GLS: variants seen among roughly 807,000 people sequenced by gnomAD.
The protein encoded by GLS is glutaminase.
GLS carries 36 observed loss-of-function variants against 86.7 expected under a neutral mutation model. The ratio of observed to expected loss-of-function variants is 0.42; its 90% CI spans 0.32 to 0.55. The LOEUF (loss-of-function observed/expected upper bound fraction) is 0.55, where lower values mean the gene tolerates loss of function less well. Among genes scored for constraint, GLS ranks in the 20% least tolerant of loss-of-function variants. The pLI is 0.17. For missense variants in GLS, 528 were observed against 833.4 expected, an observed-to-expected ratio of 0.63 and a Z score of 4.51; for synonymous variants, 317 against 305.9, an observed-to-expected ratio of 1.04 and a Z score of -0.38.
rs1019498780 is a variant in GLS, at chr2:190,897,276, C to T, written c.605+1551C>T. The stretch of plus-strand genomic sequence containing the variant: ...CTGACCTCAGGTAATCCATCCGCCT[C>T]GGCCTCCTAAAGTTACACGGTTTTA... On this transcript the variant is annotated intron_variant, in intron 3 of 17. Coordinates refer to ENST00000320717, the MANE Select transcript of GLS (RefSeq NM_014905.5). The surrounding 1 kb of genome is among the most constrained non-coding windows in gnomAD (Gnocchi z 4.3). 2.6e-5 allele frequency among the ~76,000 whole-genome samples: 4 copies of T among 152,044 alleles called. No individual in the cohort carries two copies. Among genetic ancestry groups the T allele is most frequent in the Non-Finnish European group, 5.9e-5 (4 of 68,022 alleles).
intron 3 of GLS, among the ~76,000 whole-genome samples, chr2:190,899,056 T>C (rs1688851373): frequency 6.6e-6 from 1 of 152,246 alleles, no homozygotes; most frequent in African/African-American, 2.4e-5. Flanking sequence ...GCATTTGATT[T>C]GTTGTAGATA....
At chr2:190,928,892 G>GTTTTTTTTTTTTTTTTTTTTTTTTTT (rs367999647) in intron 12 of GLS, among the ~76,000 whole-genome samples, 1 of 12,822 alleles carries the variant, frequency 7.8e-5, no homozygotes, top group African/African-American at 3.1e-4. Context: ...ATTCAGGTGT[G>GTTTTTTTTTTTTTTTTTTTTTTTTTT]TTTTTTTTTT....
At chr2:190,915,370 T>A (rs966743932) in intron 7 of GLS, among the ~76,000 whole-genome samples, 7 of 152,182 alleles carry the variant, frequency 4.6e-5, no homozygotes, top group Admixed American at 2.6e-4. Flanking sequence ...GTTTGTTTTT[T>A]AAAAATCATT....
rs1293649026 is a variant in GLS at position 190,897,860 on chromosome 2, A to G, written c.605+2135A>G. The stretch of plus-strand genomic sequence containing the variant: ...TACCTAAAATACATTGTAGATTAAT[A>G]TTTTTAGACTTTTTCGGTAATCTGA... On this transcript the variant is annotated intron_variant, in intron 3 of 17. Transcript: ENST00000320717. This position sits in a 1 kb window ranked among gnomAD's most constrained non-coding sequence, Gnocchi z 4.3. Among the ~76,000 whole-genome samples, 2 of 152,132 alleles carry G rather than the reference A, an allele frequency of 1.3e-5. No homozygotes were observed.
intron 1 of GLS, among the ~76,000 whole-genome samples, chr2:190,883,423 C>T (rs11886120): frequency 1.3e-5 from 2 of 152,154 alleles, no homozygotes; most frequent in Non-Finnish European, 2.9e-5. Context: ...AGCAGTCCAC[C>T]TGGTATGCTA....
intron 17 of GLS, among the ~76,000 whole-genome samples, chr2:190,961,905 G>C (rs963912921): frequency 1.3e-5 from 2 of 152,190 alleles, no homozygotes; most frequent in African/African-American, 4.8e-5. Flanking sequence ...CTAGGAAGGT[G>C]GTGCCAGTGG....
At chr2:190,952,995 A>G (rs942033950) in intron 14 of GLS, among the ~76,000 whole-genome samples, 68 of 152,322 alleles carry the variant, frequency 4.5e-4, no homozygotes, top group African/African-American at 1.5e-3. Flanking sequence ...CAGCAGTGTC[A>G]TAAGTTCTGA....
At chr2:190,961,268 G>A (rs557577970) in intron 17 of GLS, among the ~76,000 whole-genome samples, 20 of 152,262 alleles carry the variant, frequency 1.3e-4, no homozygotes, top group South Asian at 4.1e-4. Flanking sequence ...GCGTGATCTC[G>A]TTCACTGCAA....
At position 190,880,899 on chromosome 2, in the gene GLS, A is replaced by AGCAGCAGCAGCAGCAGCAGCACCC; in HGVS notation, c.-182_-159dup. On this transcript the variant is annotated 5_prime_UTR_variant, in exon 1 of 18. Coordinates refer to ENST00000320717, the MANE Select transcript of GLS (RefSeq NM_014905.5). ...CAGCAGCAGCAGCAGCAGCAGCAGC[A>AGCAGCAGCAGCAGCAGCAGCACCC]GCAGCAGCAGCAGCAGCAGCACCCG... 5 of 727,646 alleles carry AGCAGCAGCAGCAGCAGCAGCACCC rather than the reference A, an allele frequency of 6.9e-6. 1 individual carries two copies. The South Asian group carries it at 7.6e-5, about 11-fold the overall frequency. 45.1% of individuals were successfully genotyped at this position (727,646 alleles called of 1,614,324 possible). A position where few individuals can be genotyped will look rare whatever the true frequency, so the allele number is the denominator to read the frequency against.
intron 14 of GLS, among the ~76,000 whole-genome samples, chr2:190,932,361 G>A (rs147258978): frequency 1.3e-3 from 200 of 151,796 alleles, no homozygotes; most frequent in African/African-American, 3.9e-3. Context: ...GTTTCTTTGC[G>A]TACCATATTG....
At chr2:190,903,557 A>G (rs1689026342) in intron 5 of GLS, among the ~76,000 whole-genome samples, 1 of 152,174 alleles carries the variant, frequency 6.6e-6, no homozygotes, top group South Asian at 2.1e-4. Flanking sequence ...ATAATTTATC[A>G]AGTAATGGAA....
At chr2:190,898,137 T>C (rs1688810202) in intron 3 of GLS, among the ~76,000 whole-genome samples, 1 of 152,222 alleles carries the variant, frequency 6.6e-6, no homozygotes, top group Non-Finnish European at 1.5e-5. Flanking sequence ...TTTTGATCTT[T>C]TTGTTTTGCA....
intron 11 of GLS, chr2:190,927,091 AG>A (rs1689921632): frequency 4.4e-6 from 2 of 458,534 alleles, no homozygotes; most frequent in African/African-American, 4.1e-5. Context: ...TGCCATTAAA[AG>A]ACTGAGTATC....
intron 14 of GLS, among the ~76,000 whole-genome samples, chr2:190,941,617 A>C (rs1358596423): frequency 1.3e-5 from 2 of 152,168 alleles, no homozygotes; most frequent in African/African-American, 4.8e-5. Flanking sequence ...ACTGGAAGGT[A>C]ATACAGTGTG....
chr2:190,961,687 C>CGTTTTT (rs1172048241), intron 17 of GLS, among the ~76,000 whole-genome samples: 7 of 61,806 alleles, frequency 1.1e-4, no homozygotes, highest in African/African-American at 3.9e-4. Context: ...CTTAATTCAG[C>CGTTTTT]TGTTTTTTTT....
chr2:190,932,012 C>T (rs555894108), intron 14 of GLS, among the ~76,000 whole-genome samples: 1 of 151,996 alleles, frequency 6.6e-6, no homozygotes, highest in African/African-American at 2.4e-5. Context: ...AAGAAAGCAT[C>T]GTTTTAATAT....
intron 6 of GLS, among the ~76,000 whole-genome samples, chr2:190,909,354 A>G (rs1305004010): frequency 6.6e-6 from 1 of 152,200 alleles, no homozygotes; most frequent in East Asian, 1.9e-4. Context: ...AACAATTTTC[A>G]AGTACATATA....
rs1691088672 is a variant in GLS, at chr2:190,964,929, G to C, written c.*1943G>C. 1 of 152,128 alleles carries C rather than the reference G, an allele frequency of 6.6e-6. No homozygotes were observed. Among genetic ancestry groups the C allele is most frequent in the African/African-American group, 2.4e-5 (1 of 41,408 alleles). The allele number at this position is 152,128 out of a possible 1,614,324, so 9.4% of individuals were successfully genotyped here. ...TAAAAAGAGGTTCTAACCATTATTTGGGAACAAAGAGAGTTTTCATCTTTT... is the reference window on the plus strand; with the variant it reads ...TAAAAAGAGGTTCTAACCATTATTTCGGAACAAAGAGAGTTTTCATCTTTT... On this transcript the variant is annotated 3_prime_UTR_variant, in exon 18 of 18. Coordinates refer to ENST00000320717, the MANE Select transcript of GLS (RefSeq NM_014905.5). The surrounding 1 kb of genome is among the most constrained non-coding windows in gnomAD (Gnocchi z 5.2).
At chr2:190,927,121 A>G (rs1405168994) in intron 11 of GLS, 185 bp from the exon 12 acceptor site, 5 of 521,956 alleles carry the variant, frequency 9.6e-6, no homozygotes, top group South Asian at 8.3e-5. Context: ...AATCAGGGTA[A>G]ATCTTAAAAG....
Sources: allele counts gnomAD v4.1 joint callset (sites outside exome capture counted in the v4.1 genomes callset), GRCh38; gene constraint gnomAD v4.1.1; non-coding constraint Gnocchi (gnomAD v3.1); transcripts MANE v1.5; gene names NCBI Gene and HGNC (gene_info 2026-07-23, HGNC 2026-07-21).